COBLL1: variants seen among roughly 807,000 people sequenced by gnomAD.
The protein encoded by COBLL1 is cordon-bleu protein-like 1.
In COBLL1, 50 loss-of-function variants were observed where a neutral mutation model predicts 94.8. That is an observed-to-expected ratio of 0.53 (90% CI 0.42 to 0.67). The LOEUF (loss-of-function observed/expected upper bound fraction) is 0.67, where lower values mean the gene tolerates loss of function less well. Among genes scored for constraint, COBLL1 ranks in the 30% least tolerant of loss-of-function variants. The pLI is 0.00. For missense variants in COBLL1, 1,362 were observed against 1,348.7 expected (o/e 1.01, Z -0.15); for synonymous variants, 448 against 473.8 (o/e 0.95, Z 0.71).
At chr2:164,800,737 C>T (rs943336836) in intron 2 of COBLL1, among the ~76,000 whole-genome samples, 2 of 152,120 alleles carry the variant, frequency 1.3e-5, no homozygotes, top group Non-Finnish European at 2.9e-5. Flanking sequence ...AGAGGAACCA[C>T]TGACACACGT....
At chr2:164,761,834 G>A (rs1221368791) in intron 2 of COBLL1, among the ~76,000 whole-genome samples, 1 of 152,108 alleles carries the variant, frequency 6.6e-6, no homozygotes, top group African/African-American at 2.4e-5. Flanking sequence ...ATGTCCACAG[G>A]AACATACAGG....
chr2:164,791,824 C>T (rs996090398), intron 2 of COBLL1, among the ~76,000 whole-genome samples: 2 of 151,726 alleles, frequency 1.3e-5, no homozygotes, highest in African/African-American at 4.8e-5. Context: ...GGTTCTGCTG[C>T]TCCAAATTGC....
intron 2 of COBLL1, among the ~76,000 whole-genome samples, chr2:164,662,060 G>C (rs2105382643): frequency 6.6e-6 from 1 of 152,204 alleles, no homozygotes; most frequent in South Asian, 2.1e-4. Context: ...TTTTAATATA[G>C]AGAAATTCAA....
chr2:164,776,954 A>G (rs1298726336), intron 2 of COBLL1, among the ~76,000 whole-genome samples: 3 of 152,190 alleles, frequency 2.0e-5, no homozygotes, highest in Non-Finnish European at 2.9e-5. Context: ...GAAAAGTAGT[A>G]AAGTAACTAA....
chr2:164,833,588 T>C lies in COBLL1; in HGVS notation c.41+7568A>G, dbSNP rs377321804. Reference sequence around the variant, plus strand: ...GCCTCAGCCTCCCGAGTAGCTGGGATTACAGGCGCCCGCCACCACGCCCGG... The same window carrying C: ...GCCTCAGCCTCCCGAGTAGCTGGGACTACAGGCGCCCGCCACCACGCCCGG... On this transcript the variant is annotated intron_variant, in intron 2 of 13. Transcript: ENST00000652658. 7.0e-4 allele frequency among the ~76,000 whole-genome samples: 107 copies of C among 151,928 alleles called. 2 individuals carry two copies. In the East Asian group the frequency reaches 0.011, roughly 16 times the overall value.
chr2:164,732,193 T>A (rs566569973), intron 3 of COBLL1, among the ~76,000 whole-genome samples: 2 of 152,176 alleles, frequency 1.3e-5, no homozygotes, highest in East Asian at 1.9e-4. Context: ...TCCCTCAATT[T>A]AAAAAAAATT....
chr2:164,742,206 C>T (rs1293121099), intron 3 of COBLL1, among the ~76,000 whole-genome samples: 1 of 151,654 alleles, frequency 6.6e-6, no homozygotes, highest in Admixed American at 6.6e-5. Flanking sequence ...TCTGAAGAAC[C>T]CAGAGGTGCA....
At chr2:164,812,184 CTG>C (rs1252396681) in intron 2 of COBLL1, among the ~76,000 whole-genome samples, 1 of 151,966 alleles carries the variant, frequency 6.6e-6, no homozygotes, top group African/African-American at 2.4e-5. Context: ...ATTTCTGACA[CTG>C]TATTATGTAC....
chr2:164,711,190 A>T (rs1214945893), intron 7 of COBLL1, among the ~76,000 whole-genome samples: 2 of 152,358 alleles, frequency 1.3e-5, no homozygotes, highest in East Asian at 3.9e-4. Context: ...GGGATACTTA[A>T]ATGAAATATT....
Position 164,695,821 on chromosome 2 carries a change from A to G in COBLL1, c.1571T>C (p.Ile524Thr). The change falls in exon 12 of 14, where the codon ATA becomes ACA. Residue 524 changes from isoleucine (I) to threonine (T), a missense_variant. Physicochemically the swap from Ile to Thr is moderately conservative, Grantham distance 89. Transcript: ENST00000652658. ...PNQENVVQNE[I>T]IVYPENTEDN... ...TTCTGTGTTCTCTGGATAGACAATT[A>G]TTTCATTTTGAACTACTGAGAGAAA... 6.4e-7 allele frequency: 1 copy of G among 1,571,984 alleles called. No individual in the cohort carries two copies. The highest frequency in any genetic ancestry group is 2.2e-5 in the East Asian group (1 of 44,564).
intron 4 of COBLL1, among the ~76,000 whole-genome samples, chr2:164,728,609 A>AT (rs1685833436): frequency 6.6e-6 from 1 of 152,062 alleles, no homozygotes; most frequent in Admixed American, 6.6e-5. Flanking sequence ...TATTGCCTCA[A>AT]TAAAAAGGGG....
chr2:164,807,325 C>T (rs1010546705), intron 2 of COBLL1, among the ~76,000 whole-genome samples: 2 of 151,638 alleles, frequency 1.3e-5, no homozygotes, highest in African/African-American at 4.8e-5. Flanking sequence ...CGGCAGTGGG[C>T]TACTCAGGAG....
Position 164,695,054 on chromosome 2 carries a change from T to G in COBLL1, c.2338A>C (p.Thr780Pro). The change falls in exon 12 of 14, where the codon ACA (threonine) becomes CCA (proline). Residue 780 changes from threonine to proline, a missense_variant. Thr to Pro is a conservative substitution (Grantham distance 38, BLOSUM62 -1). Coordinates refer to ENST00000652658, the MANE Select transcript of COBLL1 (RefSeq NM_001365672.2). ...CTTTCAGAAATAGCAGAATCTTCTG[T>G]TTGGATGGCAGTTTCTTTCACATTC... ...HENVKETAIQ[T>P]EDSAISESPE... The G allele has an allele frequency of 1.2e-6, 2 of 1,613,906 alleles. No individual in the cohort carries two copies. Among genetic ancestry groups the G allele is most frequent in the Non-Finnish European group, 1.7e-6 (2 of 1,179,952 alleles).
chr2:164,704,415 T>C, intron 9 of COBLL1, 29 bp downstream of exon 9: 2 of 1,428,738 alleles, frequency 1.4e-6, no homozygotes, highest in Non-Finnish European at 2.0e-6. Context: ...TTTTCAGTAA[T>C]TACACCATGT....
At chr2:164,742,386 AT>A (rs1034885798) in intron 3 of COBLL1, among the ~76,000 whole-genome samples, 9 of 152,120 alleles carry the variant, frequency 5.9e-5, no homozygotes, top group Non-Finnish European at 1.0e-4. Context: ...TTAAAAAAAA[AT>A]AAAAAAGGAA....
rs547479994 is a variant in COBLL1 at position 164,709,547 on chromosome 2, G to A, written c.997-4442C>T. ...AGCCTGACTAACATGGTGAAACCCC[G>A]TCTCTACTAAAAATACAGAAATTAG... On this transcript the variant is annotated intron_variant, in intron 7 of 13. Transcript: ENST00000652658. Among the ~76,000 whole-genome samples the A allele has an allele frequency of 1.2e-4, 18 of 152,174 alleles. No individual in the cohort carries two copies. The South Asian group carries it at 1.7e-3, about 14-fold the overall frequency.
At chr2:164,837,488 A>G (rs907788004) in intron 2 of COBLL1, 6 of 460,528 alleles carry the variant, frequency 1.3e-5, no homozygotes, top group Non-Finnish European at 2.7e-5. Flanking sequence ...TGTCTCCAAC[A>G]TTTTTGCTCT....
chr2:164,770,426 T>A (rs1307858655), intron 2 of COBLL1, among the ~76,000 whole-genome samples: 3 of 152,188 alleles, frequency 2.0e-5, no homozygotes, highest in African/African-American at 7.2e-5. Flanking sequence ...ATATGCATAC[T>A]AAAGACTAAT....
intron 2 of COBLL1, among the ~76,000 whole-genome samples, chr2:164,661,169 A>T (rs910156405): frequency 1.3e-5 from 2 of 152,098 alleles, no homozygotes; most frequent in Admixed American, 1.3e-4. Flanking sequence ...TGGGGGAAAG[A>T]GTGTCAAAGT....
Sources: gnomAD v4.1 joint callset for allele counts (sites outside exome capture counted in the v4.1 genomes callset) on GRCh38, gnomAD v4.1.1 for gene constraint, MANE v1.5 for transcripts, NCBI Gene and HGNC (gene_info 2026-07-23, HGNC 2026-07-21) for gene names.